Variants in GPBP1L1 observed in about 807,000 individuals in gnomAD.
The protein encoded by GPBP1L1 is vasculin-like protein 1.
GPBP1L1 carries 23 observed loss-of-function variants against 52.5 expected under a neutral mutation model. The ratio of observed to expected loss-of-function variants is 0.44; its 90% CI spans 0.32 to 0.62. GPBP1L1 has a LOEUF of 0.62. Among genes scored for constraint, GPBP1L1 ranks in the 20% least tolerant of loss-of-function variants. The pLI, the probability that GPBP1L1 is intolerant of heterozygous loss-of-function variation, is 0.06. For synonymous variants in GPBP1L1, 243 were observed against 203.1 expected, an observed-to-expected ratio of 1.20 and a Z score of -1.67; for missense variants, 596 against 579.3, an observed-to-expected ratio of 1.03 and a Z score of -0.30.
chr1:45,670,388 T>C (rs907698655), intron 2 of GPBP1L1, among the ~76,000 whole-genome samples: 8 of 152,250 alleles, frequency 5.3e-5, no homozygotes, highest in African/African-American at 1.9e-4. Flanking sequence ...TTCCACTTCA[T>C]GGGTTATCTT....
At chr1:45,659,802 G>A (rs1426000201) in intron 3 of GPBP1L1, among the ~76,000 whole-genome samples, 7 of 152,152 alleles carry the variant, frequency 4.6e-5, no homozygotes, top group Admixed American at 6.5e-5. Context: ...GGAGCCAGGT[G>A]TGGTGGCACA....
chr1:45,646,546 T>C (rs11211149), intron 6 of GPBP1L1, among the ~76,000 whole-genome samples: 42,262 of 152,048 alleles, frequency 0.28, 6,051 homozygotes, highest in South Asian at 0.36. Flanking sequence ...TGTTCCTGAA[T>C]TATACTTTTC....
upstream of GPBP1L1, chr1:45,687,038 C>T (rs79921062): frequency 3.0e-3 from 460 of 152,448 alleles, 4 homozygotes; most frequent in East Asian, 0.022. Context: ...GTGTGTTTTC[C>T]GGCCCTTTCC....
chr1:45,635,676 T>C (rs902064458), intron 8 of GPBP1L1: 3 of 152,198 alleles, frequency 2.0e-5, no homozygotes, highest in African/African-American at 2.4e-5. Flanking sequence ...TAAAGTGAAT[T>C]GTATAACCAG....
At chr1:45,648,915 A>G (rs1644786629) in intron 6 of GPBP1L1, among the ~76,000 whole-genome samples, 1 of 152,174 alleles carries the variant, frequency 6.6e-6, no homozygotes, top group African/African-American at 2.4e-5. Flanking sequence ...CTGTAATCCC[A>G]GCTACTTGGG....
rs556509441 is a variant in GPBP1L1, at chr1:45,668,052, A to T, written c.-1097-6827T>A. 3.9e-5 allele frequency among the ~76,000 whole-genome samples: 6 copies of T among 152,244 alleles called. No individual in the cohort carries two copies. The South Asian group carries it at 1.2e-3, about 32-fold the overall frequency. On this transcript the variant is annotated intron_variant, in intron 2 of 12. Transcript: ENST00000355105. ...CGCCTGCCCTCTAGTCTTAACAAAA[A>T]TCTATACAGAATAGTGTACCCTTAT... is the stretch of plus-strand genomic sequence containing the variant.
chr1:45,627,759 C>T lies in GPBP1L1; in HGVS notation c.*497G>A, dbSNP rs1488169389. 2.0e-5 allele frequency: 3 copies of T among 151,752 alleles called. No homozygotes were observed. The highest frequency in any genetic ancestry group is 2.1e-4 in the South Asian group (1 of 4,784). 9.4% of individuals were successfully genotyped at this position (151,752 alleles called of 1,614,324 possible). A position where few individuals can be genotyped will look rare whatever the true frequency, so the allele number is the denominator to read the frequency against. ...ACAAAAAAAAACAACCAAAAAAACC[C>T]ACATATGCTTGGTTAAGGGCTAAAG... On this transcript the variant is annotated 3_prime_UTR_variant, in exon 13 of 13. Transcript: ENST00000355105.
chr1:45,654,951 G>A, intron 5 of GPBP1L1, 122 bp from the exon 6 acceptor site: 1 of 1,088,854 alleles, frequency 9.2e-7, no homozygotes, highest in Non-Finnish European at 1.3e-6. Flanking sequence ...ATAAAAAAAT[G>A]TATCTTTTCT....
intron 2 of GPBP1L1, among the ~76,000 whole-genome samples, chr1:45,670,518 A>G (rs1054517191): frequency 6.6e-6 from 1 of 151,546 alleles, no homozygotes; most frequent in Non-Finnish European, 1.5e-5. Flanking sequence ...TTCTTCTCCA[A>G]GGTCCAAACA....
At position 45,627,378 on chromosome 1, in the gene GPBP1L1, G is replaced by C. The variant is rs914877791; in HGVS notation, c.*878C>G. On this transcript the variant is annotated 3_prime_UTR_variant, in exon 13 of 13. Coordinates refer to ENST00000355105, the MANE Select transcript of GPBP1L1 (RefSeq NM_021639.5). ...TCAAAAAAGTATCTGCTAAAATAGA[G>C]AAACAGTTGTGTCTGAATTCACATT... 7.2e-6 allele frequency: 1 copy of C among 139,106 alleles called. No homozygotes were observed. Among genetic ancestry groups the C allele is most frequent in the Non-Finnish European group, 1.6e-5 (1 of 62,086 alleles). 8.6% of individuals were successfully genotyped at this position (139,106 alleles called of 1,614,324 possible). A position where few individuals can be genotyped will look rare whatever the true frequency, so the allele number is the denominator to read the frequency against.
At chr1:45,672,949 A>G (rs1257374550) in intron 2 of GPBP1L1, among the ~76,000 whole-genome samples, 3 of 152,222 alleles carry the variant, frequency 2.0e-5, no homozygotes, top group African/African-American at 7.2e-5. Flanking sequence ...CTGGAGACTA[A>G]AAGTATAGAC....
Position 45,629,592 on chromosome 1 carries a change from T to C in GPBP1L1, c.1256A>G (p.His419Arg), listed in dbSNP as rs1401884680. Residue 419 changes from histidine (H) to arginine (R), a missense_variant, in exon 12 of 13, where the codon CAC becomes CGC. Transcript: ENST00000355105. ...PLTEDELKEF[H>R]MKTEQLRRNG... ...ACAACATACCTGCTCTGTCTTCATG[T>C]GGAACTCTTTGAGCTCATCCTCTGT... The C allele has an allele frequency of 6.2e-7, 1 of 1,608,066 alleles. No individual in the cohort carries two copies. The highest frequency in any genetic ancestry group is 1.1e-5 in the South Asian group (1 of 90,948).
chr1:45,654,524 T>G lies in GPBP1L1; in HGVS notation c.477+19A>C. ...TTATTTGTTGGCTTCTAACCACACATCTAAAGATTCATACTTACAAAGTCC... is the reference window on the plus strand; with the variant it reads ...TTATTTGTTGGCTTCTAACCACACAGCTAAAGATTCATACTTACAAAGTCC... On this transcript the variant is annotated intron_variant, in intron 6 of 12. Coordinates refer to ENST00000355105, the MANE Select transcript of GPBP1L1 (RefSeq NM_021639.5). 1 of 1,590,728 alleles carries G rather than the reference T, an allele frequency of 6.3e-7. No homozygotes were observed. The highest frequency in any genetic ancestry group is 8.6e-7 in the Non-Finnish European group (1 of 1,164,422).
At chr1:45,676,726 A>T (rs1274721758) in intron 2 of GPBP1L1, among the ~76,000 whole-genome samples, 1 of 151,252 alleles carries the variant, frequency 6.6e-6, no homozygotes, top group Admixed American at 6.6e-5. Context: ...AAAAAAAAAA[A>T]AAAAAAATTA....
rs1484928953 is a variant in GPBP1L1 at position 45,673,223 on chromosome 1, G to C, written c.-1097-11998C>G. 2.0e-5 allele frequency among the ~76,000 whole-genome samples: 3 copies of C among 152,194 alleles called. No homozygotes were observed. In the East Asian group the frequency reaches 5.8e-4, roughly 29 times the overall value. On this transcript the variant is annotated intron_variant, in intron 2 of 12. Coordinates refer to ENST00000355105, the MANE Select transcript of GPBP1L1 (RefSeq NM_021639.5). The stretch of plus-strand genomic sequence containing the variant: ...GAACACGTGGGTACTAATGCAATGA[G>C]AGCTTGGAAGGTCTACCCTGATTGC...
intron 3 of GPBP1L1, among the ~76,000 whole-genome samples, chr1:45,659,559 A>G (rs897639451): frequency 5.3e-5 from 8 of 152,236 alleles, no homozygotes; most frequent in African/African-American, 1.4e-4. Flanking sequence ...AAGAACATGA[A>G]GAATTAAACA....
intron 10 of GPBP1L1, among the ~76,000 whole-genome samples, chr1:45,632,546 T>C (rs1352257289): frequency 1.3e-5 from 2 of 152,014 alleles, no homozygotes; most frequent in East Asian, 3.9e-4. Context: ...CGAAACTCCA[T>C]CTCTACTAAG....
intron 12 of GPBP1L1, among the ~76,000 whole-genome samples, 176 bp from the exon 13 acceptor site, chr1:45,628,584 C>T (rs758037109): frequency 6.6e-5 from 10 of 152,182 alleles, no homozygotes; most frequent in Non-Finnish European, 1.2e-4. Context: ...TTTTAATTTA[C>T]GAGTCATCTA....
chr1:45,634,398 A>G, intron 8 of GPBP1L1, 162 bp from the exon 9 acceptor site: 1 of 593,652 alleles, frequency 1.7e-6, no homozygotes, highest in Non-Finnish European at 2.8e-6. Flanking sequence ...TTCGGAGGTT[A>G]GGCACTTCAA....
Sources: allele counts gnomAD v4.1 joint callset (sites outside exome capture counted in the v4.1 genomes callset), GRCh38; gene constraint gnomAD v4.1.1; transcripts MANE v1.5; gene names NCBI Gene and HGNC (gene_info 2026-07-23, HGNC 2026-07-21).